The following ST6GALNAC1 variants were observed in gnomAD, a reference collection of about 807,000 sequenced individuals.
ST6GALNAC1 encodes the protein alpha-N-acetylgalactosaminide alpha-2,6-sialyltransferase 1.
ST6GALNAC1 carries 45 observed loss-of-function variants against 56.8 expected under a neutral mutation model. The observed-to-expected ratio is 0.79, with a 90% CI of 0.62 to 1.02. The LOEUF (loss-of-function observed/expected upper bound fraction) is 1.02. Among genes scored for constraint, ST6GALNAC1 ranks in the 50% least tolerant of loss-of-function variants. The pLI, the probability that ST6GALNAC1 is intolerant of heterozygous loss-of-function variation, is 0.00. For synonymous variants in ST6GALNAC1, 295 were observed against 297.8 expected (o/e 0.99, Z 0.10); for missense variants, 743 against 754.8 (o/e 0.98, Z 0.18).
the ST6GALNAC1 span, among the ~76,000 whole-genome samples, chr17:76,618,817 G>A: frequency 4.0e-5 from 6 of 151,726 alleles, no homozygotes; most frequent in South Asian, 6.2e-4. Flanking sequence ...GGTGGTGTGC[G>A]CCTGTAGTCC....
At chr17:76,628,587 T>C (rs9911008) in intron 2 of ST6GALNAC1, among the ~76,000 whole-genome samples, 140,842 of 152,188 alleles carry the variant, frequency 0.93, 65,314 homozygotes, top group South Asian at 0.96. Flanking sequence ...AAGGCATTCC[T>C]GGAGGACAGA....
rs2143445240 is a variant in ST6GALNAC1, at chr17:76,630,698, G to A, written c.132-987C>T. Among the ~76,000 whole-genome samples, 3 of 149,892 alleles carry A rather than the reference G, an allele frequency of 2.0e-5. No individual in the cohort carries two copies. In the South Asian group the frequency reaches 6.3e-4, roughly 32 times the overall value. Reference sequence around the variant, plus strand: ...TCTCCCTGGTTCAAGCAATTCCCCTGCCTCAGCCTTCCGAGTAGCTGGGAT... The same window carrying A: ...TCTCCCTGGTTCAAGCAATTCCCCTACCTCAGCCTTCCGAGTAGCTGGGAT... On this transcript the variant is annotated intron_variant, in intron 1 of 8. Transcript: ENST00000156626.
intron 1 of ST6GALNAC1, among the ~76,000 whole-genome samples, chr17:76,640,656 C>T (rs1485244621): frequency 6.6e-6 from 1 of 151,852 alleles, no homozygotes; most frequent in Non-Finnish European, 1.5e-5. Context: ...GCTTAAAGAA[C>T]AAAAGTACAG....
downstream of ST6GALNAC1, among the ~76,000 whole-genome samples, chr17:76,620,741 A>AT (rs35738704): frequency 0.48 from 72,426 of 151,104 alleles, 18,554 homozygotes; most frequent in Non-Finnish European, 0.58. Context: ...ATGCCCAGCT[A>AT]TTTTTTTTAA....
intron 1 of ST6GALNAC1, chr17:76,637,742 G>C (rs1401345825): frequency 2.5e-6 from 1 of 398,992 alleles, no homozygotes; most frequent in Non-Finnish European, 4.4e-6. Flanking sequence ...CCATCCTGCA[G>C]AGGGGCAAGA....
chr17:76,634,544 T>C (rs2075950737), intron 1 of ST6GALNAC1, among the ~76,000 whole-genome samples: 2 of 150,120 alleles, frequency 1.3e-5, no homozygotes, highest in African/African-American at 2.5e-5. Context: ...CTGTCTTATG[T>C]GAGATAGAAA....
At chr17:76,624,172 C>A (rs372236337), downstream of ST6GALNAC1, among the ~76,000 whole-genome samples, 20 of 152,308 alleles carry the variant, frequency 1.3e-4, no homozygotes, top group African/African-American at 4.8e-4. Flanking sequence ...AAGCGAAGCT[C>A]CCCTCTCTCC....
Position 76,627,520 on chromosome 17 carries a change from G to A in ST6GALNAC1, c.895C>T (p.Pro299Ser). 1 of 1,614,176 alleles carries A rather than the reference G, an allele frequency of 6.2e-7. No homozygotes were observed. Among genetic ancestry groups the A allele is most frequent in the Non-Finnish European group, 8.5e-7 (1 of 1,180,026 alleles). The part of the protein sequence containing the change: ...KSLWLQKLFL[P>S]NLTLFLDSRH... The stretch of plus-strand genomic sequence containing the variant: ...GAGTCCAGGAAGAGAGTGAGGTTGG[G>A]CAGAAAGAGTTTCTGGAGCCACAGC... The change falls in exon 3 of 9, where the codon CCC becomes TCC. Residue 299 changes from proline (P) to serine (S), a missense_variant. Coordinates refer to ENST00000156626, the MANE Select transcript of ST6GALNAC1 (RefSeq NM_018414.5). This position sits in a 1 kb window ranked among gnomAD's most constrained non-coding sequence, Gnocchi z 4.4.
At chr17:76,637,730 T>A in intron 1 of ST6GALNAC1, 1 of 399,032 alleles carries the variant, frequency 2.5e-6, no homozygotes. Context: ...GAGCCCTTGA[T>A]ACCATCCTGC....
rs373184306 is a variant in ST6GALNAC1 at position 76,625,536 on chromosome 17, C to T, written c.1606-9G>A. ...AAGCCATAAGCACTCACCTACATCA[C>T]GGTTGGAGGAGAAACACGGCCTGTA... is the stretch of plus-strand genomic sequence containing the variant. On this transcript the variant is annotated splice_polypyrimidine_tract_variant and intron_variant, in intron 8 of 8. Transcript: ENST00000156626. 27 of 1,613,008 alleles carry T rather than the reference C, an allele frequency of 1.7e-5. No homozygotes were observed. Among genetic ancestry groups the T allele is most frequent in the East Asian group, 1.3e-4 (6 of 44,884 alleles).
intron 8 of ST6GALNAC1, 101 bp from the exon 9 acceptor site, chr17:76,625,628 G>T: frequency 2.1e-6 from 3 of 1,408,736 alleles, no homozygotes; most frequent in South Asian, 1.2e-5. Flanking sequence ...CTTTTCCCTG[G>T]CTCCGTCCCT....
intron 1 of ST6GALNAC1, among the ~76,000 whole-genome samples, chr17:76,637,029 G>A (rs34529987): frequency 6.6e-6 from 1 of 151,942 alleles, no homozygotes; most frequent in Non-Finnish European, 1.5e-5. Context: ...TGGATTAAGG[G>A]CGGTGCAAGA....
At chr17:76,634,851 T>A (rs2075957165) in intron 1 of ST6GALNAC1, among the ~76,000 whole-genome samples, 1 of 152,038 alleles carries the variant, frequency 6.6e-6, no homozygotes, top group Non-Finnish European at 1.5e-5. Context: ...ACCACTGCAC[T>A]CCAGCCTGAG....
chr17:76,622,161 T>C (rs12937733), downstream of ST6GALNAC1, among the ~76,000 whole-genome samples: 65,770 of 149,662 alleles, frequency 0.44, 16,553 homozygotes, highest in Non-Finnish European at 0.58. Context: ...CATTTTTACA[T>C]CTTTTTTGGG....
chr17:76,642,234 A>C (rs997178708), intron 1 of ST6GALNAC1, among the ~76,000 whole-genome samples: 3 of 151,324 alleles, frequency 2.0e-5, no homozygotes, highest in Non-Finnish European at 4.4e-5. Context: ...CTATCTATCT[A>C]TCTATCTATC....
rs2075980062 is a variant in ST6GALNAC1 at position 76,636,767 on chromosome 17, G to A, written c.131+6741C>T. Among the ~76,000 whole-genome samples the A allele has an allele frequency of 2.0e-5, 3 of 152,168 alleles. No individual in the cohort carries two copies. In the South Asian group the frequency reaches 6.2e-4, roughly 32 times the overall value. On this transcript the variant is annotated intron_variant, in intron 1 of 8. Transcript: ENST00000156626. ...GCCCGGCCGCCACCCCATCTGGGAGGTGTACCCAACAGCTCATTGAGAACG... is the reference window on the plus strand; with the variant it reads ...GCCCGGCCGCCACCCCATCTGGGAGATGTACCCAACAGCTCATTGAGAACG...
chr17:76,621,854 G>A (rs2075744220), downstream of ST6GALNAC1, among the ~76,000 whole-genome samples: 1 of 151,812 alleles, frequency 6.6e-6, no homozygotes, highest in Admixed American at 6.6e-5. Context: ...AGAGCTCTCT[G>A]AACCTTTACT....
chr17:76,642,544 A>G (rs530955115), intron 1 of ST6GALNAC1, among the ~76,000 whole-genome samples: 17 of 152,290 alleles, frequency 1.1e-4, no homozygotes, highest in African/African-American at 4.1e-4. Flanking sequence ...AGGTGGAGGT[A>G]TAATAGGGAG....
chr17:76,620,354 A>G (rs1287332708), downstream of ST6GALNAC1, among the ~76,000 whole-genome samples: 2 of 151,628 alleles, frequency 1.3e-5, no homozygotes, highest in Non-Finnish European at 2.9e-5. Flanking sequence ...TGTTAGGTTT[A>G]TTTGTTTCTC....
Sources: gnomAD v4.1 joint callset for allele counts (sites outside exome capture counted in the v4.1 genomes callset) on GRCh38, gnomAD v4.1.1 for gene constraint, Gnocchi (gnomAD v3.1) non-coding constraint, MANE v1.5 for transcripts, NCBI Gene and HGNC (gene_info 2026-07-23, HGNC 2026-07-21) for gene names.